Variants in PRKN observed in about 807,000 individuals in gnomAD.
The protein encoded by PRKN is E3 ubiquitin-protein ligase parkin.
Under a neutral mutation model 59.5 loss-of-function variants are expected in PRKN, and 56 were observed. The ratio of observed to expected loss-of-function variants is 0.94; its 90% confidence interval spans 0.76 to 1.18. The LOEUF (loss-of-function observed/expected upper bound fraction) is 1.18, where lower values mean the gene tolerates loss of function less well. Among genes scored for constraint, PRKN ranks in the 50% most tolerant of loss-of-function variants. The pLI, the probability that PRKN is intolerant of heterozygous loss-of-function variation, is 0.00. For missense variants in PRKN, 657 were observed against 596.4 expected, an observed-to-expected ratio of 1.10 and a Z score of -1.06; for synonymous variants, 250 against 222.1, an observed-to-expected ratio of 1.13 and a Z score of -1.12.
At chr6:162,162,488 C>G (rs567536211) in intron 4 of PRKN, among the ~76,000 whole-genome samples, 1 of 152,206 alleles carries the variant, frequency 6.6e-6, no homozygotes, top group African/African-American at 2.4e-5. Context: ...CAGGCATCCA[C>G]TGGGGATCTT....
chr6:161,756,127 A>G (rs1788906338), intron 7 of PRKN, among the ~76,000 whole-genome samples: 1 of 152,204 alleles, frequency 6.6e-6, no homozygotes, highest in African/African-American at 2.4e-5. Context: ...GAAAATTACT[A>G]TAACTAAACA....
At chr6:161,914,534 G>C (rs1301717939) in intron 6 of PRKN, among the ~76,000 whole-genome samples, 1 of 151,698 alleles carries the variant, frequency 6.6e-6, no homozygotes, top group East Asian at 1.9e-4. Flanking sequence ...TTTTTAACGT[G>C]AAACATGTAA....
chr6:162,086,043 T>C (rs550629529), intron 4 of PRKN, among the ~76,000 whole-genome samples: 1 of 152,280 alleles, frequency 6.6e-6, no homozygotes, highest in South Asian at 2.1e-4. Context: ...CTCCTTATGT[T>C]ACTTCGAGAA....
intron 4 of PRKN, among the ~76,000 whole-genome samples, chr6:162,111,021 T>C (rs1491001794): frequency 6.6e-6 from 1 of 152,116 alleles, no homozygotes; most frequent in East Asian, 1.9e-4. Context: ...ATGCAACGTG[T>C]GGGCTTCACC....
chr6:161,908,483 T>C (rs1375512079), intron 6 of PRKN, among the ~76,000 whole-genome samples: 1 of 152,202 alleles, frequency 6.6e-6, no homozygotes. Context: ...ATGAATTCTG[T>C]TTGATGACAC....
At chr6:162,192,337 T>C (rs1240724811) in intron 4 of PRKN, among the ~76,000 whole-genome samples, 1 of 151,786 alleles carries the variant, frequency 6.6e-6, no homozygotes, top group Non-Finnish European at 1.5e-5. Context: ...GATATGCATA[T>C]GTGAAATTAG....
At chr6:162,338,033 A>G (rs929125422) in intron 2 of PRKN, among the ~76,000 whole-genome samples, 4 of 152,174 alleles carry the variant, frequency 2.6e-5, no homozygotes, top group Non-Finnish European at 4.4e-5. Flanking sequence ...CTTTCCGATA[A>G]GTTTGGAACA....
rs556058075 is a variant in PRKN, at chr6:162,367,891, T to A, written c.171+75419A>T. Among the ~76,000 whole-genome samples, 70 of 152,288 alleles carry A rather than the reference T, an allele frequency of 4.6e-4. No individual in the cohort carries two copies. In the South Asian group the frequency reaches 0.014, roughly 31 times the overall value. ...GTACTTTATCAGAACTTCTGAGTGC[T>A]GAGTGCATGCCAGGACCCCTGAGGA... On this transcript the variant is annotated intron_variant, in intron 2 of 11. Transcript: ENST00000366898.
intron 1 of PRKN, among the ~76,000 whole-genome samples, chr6:162,700,377 T>C (rs951811475): frequency 1.3e-5 from 2 of 152,210 alleles, no homozygotes; most frequent in Admixed American, 6.5e-5. Context: ...ATGCTCAATT[T>C]GTGTGAACAG....
intron 2 of PRKN, among the ~76,000 whole-genome samples, chr6:162,310,716 C>G (rs560494141): frequency 9.4e-4 from 142 of 150,880 alleles, no homozygotes; most frequent in African/African-American, 3.2e-3. Context: ...GCACATTGTG[C>G]ATATGTACCC....
chr6:162,141,449 T>A (rs1781778645), intron 4 of PRKN, among the ~76,000 whole-genome samples: 1 of 152,222 alleles, frequency 6.6e-6, no homozygotes, highest in East Asian at 1.9e-4. Flanking sequence ...ATCTACAGTT[T>A]AATGTATTCA....
chr6:162,677,432 A>C (rs2128231769), intron 1 of PRKN, among the ~76,000 whole-genome samples: 1 of 144,870 alleles, frequency 6.9e-6, no homozygotes, highest in East Asian at 2.1e-4. Flanking sequence ...CACCCTCTAT[A>C]TCCATTAGTC....
chr6:161,840,304 G>C (rs1792930840), intron 6 of PRKN, among the ~76,000 whole-genome samples: 1 of 152,194 alleles, frequency 6.6e-6, no homozygotes, highest in African/African-American at 2.4e-5. Context: ...CTGCGTGTTT[G>C]TGCATTATTG....
intron 7 of PRKN, among the ~76,000 whole-genome samples, chr6:161,778,379 T>C (rs12208587): frequency 0.4 from 60,411 of 152,046 alleles, 12,427 homozygotes; most frequent in South Asian, 0.52. Flanking sequence ...CAGTACCAGA[T>C]TAATCCATCT....
intron 1 of PRKN, among the ~76,000 whole-genome samples, chr6:162,579,842 T>C (rs375351252): frequency 2.0e-5 from 3 of 152,304 alleles, no homozygotes; most frequent in East Asian, 1.9e-4. Flanking sequence ...TCTGTTGACA[T>C]GTCTTTCTTC....
chr6:162,213,538 C>G (rs1777493900), intron 3 of PRKN, among the ~76,000 whole-genome samples: 1 of 152,034 alleles, frequency 6.6e-6, no homozygotes, highest in African/African-American at 2.4e-5. Context: ...TCAGCCTGGG[C>G]AGCACAGTGA....
At chr6:162,291,532 C>T (rs1275613330) in intron 2 of PRKN, among the ~76,000 whole-genome samples, 1 of 152,100 alleles carries the variant, frequency 6.6e-6, no homozygotes, top group Non-Finnish European at 1.5e-5. Context: ...GGGAGGGTGT[C>T]AGGGATCACA....
intron 2 of PRKN, among the ~76,000 whole-genome samples, chr6:162,434,511 G>GA (rs966119033): frequency 5.3e-5 from 8 of 150,472 alleles, no homozygotes; most frequent in East Asian, 1.9e-4. Context: ...CCTAATATTT[G>GA]AAAAAAAAAG....
intron 2 of PRKN, among the ~76,000 whole-genome samples, chr6:162,294,074 G>C (rs1211822818): frequency 6.6e-6 from 1 of 151,696 alleles, no homozygotes; most frequent in Non-Finnish European, 1.5e-5. Context: ...CAGCAGGAGA[G>C]ATCAGAAGGG....
Sources: gnomAD v4.1 joint callset for allele counts (sites outside exome capture counted in the v4.1 genomes callset) on GRCh38, gnomAD v4.1.1 for gene constraint, MANE v1.5 for transcripts, NCBI Gene and HGNC (gene_info 2026-07-23, HGNC 2026-07-21) for gene names.